Variants in AEBP2 observed in about 807,000 individuals in gnomAD.
The protein encoded by AEBP2 is AE binding protein 2.
A neutral mutation model predicts 50.8 loss-of-function variants in AEBP2; 10 were observed. The ratio of observed to expected loss-of-function variants is 0.20; its 90% CI spans 0.12 to 0.33. The LOEUF (loss-of-function observed/expected upper bound fraction) is 0.33, where lower values mean the gene tolerates loss of function less well. Ranked by LOEUF, AEBP2 falls within the 10% of genes least tolerant of loss-of-function variation. The probability of loss-of-function intolerance (pLI) is 1.00; values close to 1 mark genes in which losing one functional copy is unlikely to be tolerated. For synonymous variants in AEBP2, 296 were observed against 261.3 expected (o/e 1.13, Z -1.28); for missense variants, 570 against 688.0 (o/e 0.83, Z 1.92).
intron 3 of AEBP2, among the ~76,000 whole-genome samples, chr12:19,484,465 C>T (rs1948777510): frequency 6.6e-6 from 1 of 150,418 alleles, no homozygotes; most frequent in Admixed American, 6.6e-5. Flanking sequence ...ACCTCCGCTT[C>T]CCATGTTCAA....
intron 3 of AEBP2, among the ~76,000 whole-genome samples, chr12:19,487,373 T>C (rs1948825485): frequency 6.6e-6 from 1 of 152,174 alleles, no homozygotes; most frequent in Non-Finnish European, 1.5e-5. Context: ...ATTCACAGTT[T>C]TGTAAAATTA....
At chr12:19,438,749 A>C (rs1022365207), upstream of AEBP2, among the ~76,000 whole-genome samples, 1 of 152,204 alleles carries the variant, frequency 6.6e-6, no homozygotes, top group Non-Finnish European at 1.5e-5. Flanking sequence ...TCTAGAGGAG[A>C]TATGCAACGT....
chr12:19,411,518 TG>T (rs539678540), intron 1 of AEBP2, among the ~76,000 whole-genome samples: 20 of 152,116 alleles, frequency 1.3e-4, no homozygotes, highest in African/African-American at 4.6e-4. Context: ...AGGGCCTTTT[TG>T]CATCTCTAAA....
intron 2 of AEBP2, among the ~76,000 whole-genome samples, chr12:19,464,824 A>G (rs1342125286): frequency 6.6e-6 from 1 of 151,812 alleles, no homozygotes; most frequent in Non-Finnish European, 1.5e-5. Flanking sequence ...TCCTGACCTC[A>G]GGTGATCCAC....
chr12:19,484,527 A>C (rs1948778942), intron 3 of AEBP2, among the ~76,000 whole-genome samples: 1 of 151,724 alleles, frequency 6.6e-6, no homozygotes, highest in Non-Finnish European at 1.5e-5. Context: ...GGTACCCACC[A>C]CCACGCCCAG....
At chr12:19,448,498 A>AG (rs200607146) in intron 1 of AEBP2, among the ~76,000 whole-genome samples, 1 of 151,732 alleles carries the variant, frequency 6.6e-6, no homozygotes, top group Non-Finnish European at 1.5e-5. Context: ...AAAAAAAAAA[A>AG]GTAAAGATCA....
chr12:19,508,047 A>G (rs1214984758), intron 5 of AEBP2, among the ~76,000 whole-genome samples: 2 of 152,088 alleles, frequency 1.3e-5, no homozygotes, highest in South Asian at 2.1e-4. Flanking sequence ...CTAGTTACCA[A>G]TCAGTTGGCT....
chr12:19,521,498 G>A lies in AEBP2; in HGVS notation c.*3381G>A, dbSNP rs558634968. 6.6e-6 allele frequency: 1 copy of A among 152,054 alleles called. No homozygotes were observed. Among genetic ancestry groups the A allele is most frequent in the East Asian group, 1.9e-4 (1 of 5,188 alleles). 9.4% of individuals were successfully genotyped at this position (152,054 alleles called of 1,614,324 possible). ...CTGCTTTATCTAAAAGAATCTTAAGGTGGAAATAGTGTAAAATTTAAAATT... is the reference window on the plus strand; with the variant it reads ...CTGCTTTATCTAAAAGAATCTTAAGATGGAAATAGTGTAAAATTTAAAATT... On this transcript the variant is annotated 3_prime_UTR_variant, in exon 8 of 8. Transcript: ENST00000266508.
chr12:19,467,302 G>C (rs1489005111), intron 2 of AEBP2, among the ~76,000 whole-genome samples: 3 of 152,120 alleles, frequency 2.0e-5, no homozygotes, highest in South Asian at 4.2e-4. Context: ...CCTATCTCTA[G>C]TGTTAAGTAT....
At chr12:19,458,857 C>T (rs1229836416) in intron 1 of AEBP2, among the ~76,000 whole-genome samples, 1 of 152,202 alleles carries the variant, frequency 6.6e-6, no homozygotes, top group African/African-American at 2.4e-5. Flanking sequence ...TCCCACTCTT[C>T]CCTTCCCCCA....
chr12:19,429,067 G>A (rs1300610322), intron 1 of AEBP2, among the ~76,000 whole-genome samples: 2 of 152,116 alleles, frequency 1.3e-5, no homozygotes, highest in Non-Finnish European at 2.9e-5. Context: ...ATGTTGGTGT[G>A]CTGCATCTAT....
intron 1 of AEBP2, among the ~76,000 whole-genome samples, chr12:19,425,862 A>G (rs1484780993): frequency 6.6e-6 from 1 of 151,614 alleles, no homozygotes; most frequent in East Asian, 1.9e-4. Flanking sequence ...TTATGTTTGC[A>G]TGAACAGCAA....
intron 7 of AEBP2, 52 bp from the exon 8 acceptor site, chr12:19,518,035 C>A: frequency 6.6e-7 from 1 of 1,518,598 alleles, no homozygotes; most frequent in South Asian, 1.2e-5. Context: ...TTGAAGCACT[C>A]AAATGTGTTT....
intron 1 of AEBP2, among the ~76,000 whole-genome samples, chr12:19,407,820 G>A (rs189305119): frequency 1.8e-4 from 28 of 152,206 alleles, no homozygotes; most frequent in African/African-American, 6.0e-4. Context: ...AGGCCGAGGC[G>A]GGCGGGTCAC....
intron 1 of AEBP2, among the ~76,000 whole-genome samples, chr12:19,446,252 T>A (rs1422978114): frequency 6.6e-6 from 1 of 152,230 alleles, no homozygotes; most frequent in Non-Finnish European, 1.5e-5. Flanking sequence ...TACTTTGTTT[T>A]TAAAGAGCAG....
chr12:19,504,507 T>TG (rs942277582), intron 5 of AEBP2, among the ~76,000 whole-genome samples: 5 of 152,108 alleles, frequency 3.3e-5, no homozygotes, highest in African/African-American at 1.2e-4. Flanking sequence ...CCCAAAGCCC[T>TG]GGGATTACAG....
chr12:19,480,723 T>C (rs959773304), intron 3 of AEBP2, among the ~76,000 whole-genome samples: 1 of 152,200 alleles, frequency 6.6e-6, no homozygotes, highest in Non-Finnish European at 1.5e-5. Context: ...GTAATATTCT[T>C]TCCTGCATCT....
intron 1 of AEBP2, chr12:19,457,320 C>T: frequency 1.3e-6 from 2 of 1,513,858 alleles, no homozygotes; most frequent in Non-Finnish European, 1.8e-6. Flanking sequence ...CCTGAGATGT[C>T]CCTGTAATCA....
At chr12:19,460,229 C>A (rs1459327073) in intron 1 of AEBP2, among the ~76,000 whole-genome samples, 1 of 152,092 alleles carries the variant, frequency 6.6e-6, no homozygotes, top group Non-Finnish European at 1.5e-5. Context: ...CCACCCCTCA[C>A]AATAGGTACA....
Sources: gnomAD v4.1 joint callset for allele counts (sites outside exome capture counted in the v4.1 genomes callset) on GRCh38, gnomAD v4.1.1 for gene constraint, MANE v1.5 for transcripts, NCBI Gene and HGNC (gene_info 2026-07-23, HGNC 2026-07-21) for gene names.